Variants in HTT observed in about 807,000 individuals in gnomAD.
The protein encoded by HTT is huntingtin, also known as huntington disease protein.
A neutral mutation model predicts 362.3 loss-of-function variants in HTT; 104 were observed. The observed-to-expected ratio is 0.29, with a 90% CI of 0.24 to 0.34. The LOEUF (loss-of-function observed/expected upper bound fraction) is 0.34, where lower values mean the gene tolerates loss of function less well. Ranked by LOEUF, HTT falls within the 10% of genes least tolerant of loss-of-function variation. HTT has a pLI of 1.00. For synonymous variants in HTT, 1,577 were observed against 1,548.7 expected (o/e 1.02, Z -0.43); for missense variants, 3,301 against 3,928.6 (o/e 0.84, Z 4.27).
In HTT at chr4:3,242,828, G is replaced by A. The variant is rs1721868928; in HGVS notation, c.*2769G>A. 2 of 152,198 alleles carry A rather than the reference G, an allele frequency of 1.3e-5. No homozygotes were observed. The highest frequency in any genetic ancestry group is 6.5e-5 in the Admixed American group (1 of 15,278). 9.4% of individuals were successfully genotyped at this position (152,198 alleles called of 1,614,324 possible). A position where few individuals can be genotyped will look rare whatever the true frequency, so the allele number is the denominator to read the frequency against. On this transcript the variant is annotated 3_prime_UTR_variant, in exon 67 of 67. Transcript: ENST00000355072. ...GGGTAGAATTGTTTGGCAATGCACT[G>A]AAGCGTGTTTCTTTCCCAAAATGTG...
At chr4:3,135,424 T>G (rs558978850) in intron 19 of HTT, among the ~76,000 whole-genome samples, 2 of 150,950 alleles carry the variant, frequency 1.3e-5, no homozygotes, top group South Asian at 4.2e-4. Flanking sequence ...GAAGGGAAAT[T>G]TTCCTTTATA....
chr4:3,083,568 C>T (rs879275468), intron 1 of HTT, among the ~76,000 whole-genome samples: 1,489 of 148,884 alleles, frequency 0.01, 20 homozygotes, highest in Non-Finnish European at 0.012. Flanking sequence ...CACACACACA[C>T]ACACACACAC....
At chr4:3,088,336 G>A (rs536994315) in intron 2 of HTT, among the ~76,000 whole-genome samples, 3 of 151,784 alleles carry the variant, frequency 2.0e-5, no homozygotes, top group South Asian at 4.2e-4. Context: ...ACAGGTGCTC[G>A]CCACCACACC....
chr4:3,143,579 A>G (rs963870794), intron 23 of HTT, among the ~76,000 whole-genome samples: 3 of 149,854 alleles, frequency 2.0e-5, no homozygotes, highest in African/African-American at 7.3e-5. Flanking sequence ...TATAATTTAC[A>G]TTTTTACATT....
intron 29 of HTT, among the ~76,000 whole-genome samples, chr4:3,161,569 C>T (rs1156240463): frequency 2.0e-5 from 3 of 152,200 alleles, no homozygotes; most frequent in Admixed American, 2.0e-4. Flanking sequence ...TTTTCCACAA[C>T]CTCTCCAGCA....
At chr4:3,094,733 A>ACCTCCCGGACGGG (rs1713746025) in intron 2 of HTT, among the ~76,000 whole-genome samples, 1 of 91,322 alleles carries the variant, frequency 1.1e-5, no homozygotes, top group East Asian at 3.3e-4. Context: ...TCCCGGACGG[A>ACCTCCCGGACGGG]GCGGCTGCCG....
At chr4:3,180,323 C>T (rs1718453273) in intron 35 of HTT, among the ~76,000 whole-genome samples, 192 bp from the exon 36 acceptor site, 1 of 152,060 alleles carries the variant, frequency 6.6e-6, no homozygotes, top group Non-Finnish European at 1.5e-5. Context: ...ACAAAATGAT[C>T]AGTGTTCAGA....
Position 3,133,019 on chromosome 4 carries a change from G to A in HTT, c.2493+108G>A, listed in dbSNP as rs1239240715. 10 of 839,554 alleles carry A rather than the reference G, an allele frequency of 1.2e-5. No individual in the cohort carries two copies. The East Asian group carries it at 2.0e-4, about 16-fold the overall frequency. 52.0% of individuals were successfully genotyped at this position (839,554 alleles called of 1,614,324 possible). A position where few individuals can be genotyped will look rare whatever the true frequency, so the allele number is the denominator to read the frequency against. The stretch of plus-strand genomic sequence containing the variant: ...AAATATTTCCATGCACTCTAAAGCT[G>A]TAACCAGTAATACCCACCATGTATC... On this transcript the variant is annotated intron_variant, in intron 18 of 66. Transcript: ENST00000355072.
chr4:3,223,680 A>G, intron 55 of HTT, 120 bp downstream of exon 55: 2 of 942,944 alleles, frequency 2.1e-6, no homozygotes, highest in Non-Finnish European at 3.2e-6. Context: ...AATTGAAAAC[A>G]CCGTCCGTGT....
At chr4:3,187,453 A>G (rs1456399852) in intron 38 of HTT, among the ~76,000 whole-genome samples, 198 bp from the exon 39 acceptor site, 2 of 152,236 alleles carry the variant, frequency 1.3e-5, no homozygotes, top group African/African-American at 4.8e-5. Flanking sequence ...CACCAAGCCA[A>G]GAGTTTGCAT....
At chr4:3,174,185 T>C (rs1302623151) in intron 31 of HTT, among the ~76,000 whole-genome samples, 2 of 152,180 alleles carry the variant, frequency 1.3e-5, no homozygotes, top group African/African-American at 4.8e-5. Context: ...AGGCTGTATG[T>C]TAGTGATGTA....
At chr4:3,095,245 C>G (rs1048380340) in intron 2 of HTT, among the ~76,000 whole-genome samples, 1 of 152,236 alleles carries the variant, frequency 6.6e-6, no homozygotes, top group African/African-American at 2.4e-5. Context: ...ACACTGAGCA[C>G]TGAGTGAGCG....
intron 29 of HTT, among the ~76,000 whole-genome samples, chr4:3,160,739 C>T (rs1055911901): frequency 6.6e-6 from 1 of 151,938 alleles, no homozygotes; most frequent in Non-Finnish European, 1.5e-5. Flanking sequence ...GGGGGCGGGG[C>T]GGGAGGTGTG....
chr4:3,180,712 A>C, intron 36 of HTT, 61 bp downstream of exon 36: 1 of 1,452,960 alleles, frequency 6.9e-7, no homozygotes, highest in South Asian at 1.4e-5. Flanking sequence ...AGATGGAAGG[A>C]AGTGCCATGT....
chr4:3,140,800 G>A lies in HTT; in HGVS notation c.2945+144G>A. ...TGAGTGTAGGTCAGTCCTTTGATAG[G>A]ATATTATCATTTTGAGGATTGACCA... On this transcript the variant is annotated intron_variant, in intron 22 of 66. Transcript: ENST00000355072. The A allele has an allele frequency of 5.6e-6, 4 of 713,004 alleles. No individual in the cohort carries two copies. The South Asian group carries it at 7.8e-5, about 14-fold the overall frequency. 44.2% of individuals were successfully genotyped at this position (713,004 alleles called of 1,614,324 possible).
At chr4:3,139,535 A>C (rs1404651504) in intron 21 of HTT, among the ~76,000 whole-genome samples, 1 of 152,220 alleles carries the variant, frequency 6.6e-6, no homozygotes, top group Non-Finnish European at 1.5e-5. Context: ...AATTCTACTC[A>C]TGATCAAGTC....
At position 3,074,930 on chromosome 4, in the gene HTT, G is replaced by T; in HGVS notation, c.105G>T (p.Gln35His). ...AGCAGCAGCAGCAGCAGCAGCAGCA[G>T]CAGCAACAGCCGCCACCGCCGCCGC... The part of the protein sequence containing the change: ...QQQQQQQQQQ[Q>H]QQQPPPPPPP... The change falls in exon 1 of 67, where the codon CAG becomes CAT. Residue 35 changes from glutamine to histidine, a missense_variant. Physicochemically the swap from Gln to His is conservative, Grantham distance 24. This residue lies in a region of HTT where 2,316 missense variants were observed against 2,658.5 expected (regional missense o/e 0.87). Coordinates refer to ENST00000355072, the MANE Select transcript of HTT (RefSeq NM_001388492.1). The T allele has an allele frequency of 7.7e-7, 1 of 1,302,648 alleles. No individual in the cohort carries two copies. Among genetic ancestry groups the T allele is most frequent in the Non-Finnish European group, 1.0e-6 (1 of 974,536 alleles). The allele number at this position is 1,302,648 out of a possible 1,614,324, so 80.7% of individuals were successfully genotyped here.
chr4:3,075,010 T>TGCCTCAGCCGCAGCCGCCCCCGCC lies in HTT; in HGVS notation c.189_212dup (p.Gln64_Pro71dup). 2 of 1,320,530 alleles carry TGCCTCAGCCGCAGCCGCCCCCGCC rather than the reference T, an allele frequency of 1.5e-6. No homozygotes were observed. The highest frequency in any genetic ancestry group is 1.9e-6 in the Non-Finnish European group (2 of 1,036,192). The allele number at this position is 1,320,530 out of a possible 1,614,324, so 81.8% of individuals were successfully genotyped here. A position where few individuals can be genotyped will look rare whatever the true frequency, so the allele number is the denominator to read the frequency against. On this transcript the variant is annotated inframe_insertion, in exon 1 of 67. Transcript: ENST00000355072. The stretch of plus-strand genomic sequence containing the variant: ...CCGCCGCCGCAGGCACAGCCGCTGC[T>TGCCTCAGCCGCAGCCGCCCCCGCC]GCCTCAGCCGCAGCCGCCCCCGCCG...
intron 6 of HTT, among the ~76,000 whole-genome samples, chr4:3,114,124 G>T (rs1490845381): frequency 1.3e-5 from 2 of 152,238 alleles, no homozygotes; most frequent in Admixed American, 1.3e-4. Context: ...GAAACGAGGG[G>T]ATGGGCCGAA....
Sources: allele counts gnomAD v4.1 joint callset (sites outside exome capture counted in the v4.1 genomes callset), GRCh38; gene constraint gnomAD v4.1.1; regional missense constraint gnomAD v4.1.1; transcripts MANE v1.5; gene names NCBI Gene and HGNC (gene_info 2026-07-23, HGNC 2026-07-21).